The following ULK4 variants were observed in gnomAD, a reference collection of about 807,000 sequenced individuals.
ULK4 encodes the protein inactive serine/threonine-protein kinase ULK4.
In ULK4, 133 loss-of-function variants were observed where a neutral mutation model predicts 160.6. That is an observed-to-expected ratio of 0.83 (90% CI 0.72 to 0.96). The LOEUF is 0.96. Among genes scored for constraint, ULK4 ranks in the 40% least tolerant of loss-of-function variants. ULK4 has a pLI of 0.00. For synonymous variants in ULK4, 534 were observed against 539.8 expected, an observed-to-expected ratio of 0.99 and a Z score of 0.15; for missense variants, 1,580 against 1,499.5, an observed-to-expected ratio of 1.05 and a Z score of -0.89.
intron 35 of ULK4, among the ~76,000 whole-genome samples, chr3:41,318,438 T>C (rs2080187539): frequency 6.6e-6 from 1 of 152,218 alleles, no homozygotes; most frequent in Non-Finnish European, 1.5e-5. Flanking sequence ...CAGTTGTATC[T>C]AGTTTTGTGT....
chr3:41,253,336 A>G (rs553086261), intron 35 of ULK4, among the ~76,000 whole-genome samples: 11 of 152,100 alleles, frequency 7.2e-5, no homozygotes, highest in Non-Finnish European at 1.3e-4. Flanking sequence ...CAACATATGT[A>G]GATGTAACAT....
At chr3:41,785,591 AC>A (rs1176759965) in intron 21 of ULK4, among the ~76,000 whole-genome samples, 1 of 152,178 alleles carries the variant, frequency 6.6e-6, no homozygotes, top group African/African-American at 2.4e-5. Flanking sequence ...CCAAAAAACA[AC>A]ACGTAGAATT....
chr3:41,364,961 G>C (rs923329760), intron 35 of ULK4, among the ~76,000 whole-genome samples: 1 of 152,196 alleles, frequency 6.6e-6, no homozygotes, highest in Non-Finnish European at 1.5e-5. Flanking sequence ...TGCAGGCAAG[G>C]GGTGGGGCCT....
rs919769754 is a variant in ULK4 at position 41,414,181 on chromosome 3, A to G, written c.3493-15917T>C. On this transcript the variant is annotated intron_variant, in intron 34 of 36. Transcript: ENST00000301831. ...GTGCCATTGCACTCCAGCCTGGGCAACAAGAGCGAAATTCCATCTCAAAAA... is the reference window on the plus strand; with the variant it reads ...GTGCCATTGCACTCCAGCCTGGGCAGCAAGAGCGAAATTCCATCTCAAAAA... Among the ~76,000 whole-genome samples, 3 of 152,256 alleles carry G rather than the reference A, an allele frequency of 2.0e-5. 1 individual carries two copies. Among genetic ancestry groups the G allele is most frequent in the Admixed American group, 1.3e-4 (2 of 15,288 alleles).
At position 41,717,791 on chromosome 3, in the gene ULK4, A is replaced by G. The variant is rs1422662238; in HGVS notation, c.2392T>C (p.Tyr798His). ...PGKEQQSGNE[Y>H]LSKCLDLLIC... ...AGAAGATCCAGGCATTTGGACAGGT[A>G]TTCATTGCCACTTTGCTGCTCCTTG... is the stretch of plus-strand genomic sequence containing the variant. The change falls in exon 23 of 37, where the codon TAC becomes CAC. Residue 798 changes from tyrosine (Y) to histidine (H), a missense_variant. Physicochemically the swap from Tyr to His is moderately conservative, Grantham distance 83 (BLOSUM62 2). Coordinates refer to ENST00000301831, the MANE Select transcript of ULK4 (RefSeq NM_017886.4). The G allele has an allele frequency of 6.2e-7, 1 of 1,614,158 alleles. No homozygotes were observed. The highest frequency in any genetic ancestry group is 2.2e-5 in the East Asian group (1 of 44,872).
intron 13 of ULK4, 59 bp from the exon 14 acceptor site, chr3:41,898,551 C>T: frequency 9.8e-7 from 1 of 1,024,258 alleles, no homozygotes; most frequent in African/African-American, 1.6e-5. Context: ...TATCTGTCTC[C>T]TTATATGTCC....
At chr3:41,386,673 C>G (rs72866640) in intron 35 of ULK4, among the ~76,000 whole-genome samples, 1 of 152,112 alleles carries the variant, frequency 6.6e-6, no homozygotes, top group Non-Finnish European at 1.5e-5. Context: ...AATTAGTCAC[C>G]AGACCTGGTT....
chr3:41,797,648 T>C (rs2040341441), intron 20 of ULK4, among the ~76,000 whole-genome samples: 1 of 151,910 alleles, frequency 6.6e-6, no homozygotes, highest in Non-Finnish European at 1.5e-5. Flanking sequence ...TCACCTGAGG[T>C]CAGGAGTTCA....
chr3:41,757,412 C>A (rs1224457348), intron 21 of ULK4, among the ~76,000 whole-genome samples: 3 of 151,984 alleles, frequency 2.0e-5, no homozygotes, highest in African/African-American at 7.2e-5. Context: ...GCGGGCAGAA[C>A]ACGTGGTCAG....
intron 4 of ULK4, among the ~76,000 whole-genome samples, chr3:41,933,118 G>A (rs1699650927): frequency 6.6e-6 from 1 of 152,220 alleles, no homozygotes; most frequent in South Asian, 2.1e-4. Flanking sequence ...AAGGATGTCT[G>A]TTGGTCTACA....
At chr3:41,459,653 T>C (rs932433410) in intron 33 of ULK4, among the ~76,000 whole-genome samples, 12 of 152,204 alleles carry the variant, frequency 7.9e-5, no homozygotes, top group Non-Finnish European at 1.6e-4. Flanking sequence ...TAGGATAATG[T>C]CACAATTGAC....
intron 30 of ULK4, among the ~76,000 whole-genome samples, chr3:41,652,773 C>A (rs1471946723): frequency 2.0e-5 from 3 of 152,144 alleles, no homozygotes; most frequent in East Asian, 3.8e-4. Flanking sequence ...ATAAGTGTGA[C>A]ACAATGAAAC....
chr3:41,459,528 T>A (rs1178195270), intron 33 of ULK4, among the ~76,000 whole-genome samples: 1 of 152,220 alleles, frequency 6.6e-6, no homozygotes, highest in Non-Finnish European at 1.5e-5. Flanking sequence ...GTCCCCATTA[T>A]CTAGGATCTC....
chr3:41,744,181 T>C (rs2038340224), intron 22 of ULK4, among the ~76,000 whole-genome samples: 1 of 151,834 alleles, frequency 6.6e-6, no homozygotes, highest in Non-Finnish European at 1.5e-5. Context: ...AGGAATAAAA[T>C]GTCAGACTTA....
intron 32 of ULK4, among the ~76,000 whole-genome samples, chr3:41,467,398 C>T (rs994580152): frequency 1.1e-4 from 17 of 152,002 alleles, no homozygotes; most frequent in African/African-American, 4.1e-4. Context: ...CATGGTGGCA[C>T]ACACTATAAT....
intron 30 of ULK4, among the ~76,000 whole-genome samples, chr3:41,627,511 G>A (rs1185895037): frequency 1.3e-5 from 2 of 152,228 alleles, no homozygotes; most frequent in Non-Finnish European, 2.9e-5. Flanking sequence ...CATCTCCAAA[G>A]GGATTCTCCA....
At chr3:41,770,536 G>A (rs1241404584) in intron 21 of ULK4, among the ~76,000 whole-genome samples, 1 of 142,966 alleles carries the variant, frequency 7.0e-6, no homozygotes, top group Non-Finnish European at 1.5e-5. Flanking sequence ...TTGAGACAGA[G>A]TATTACTCTG....
chr3:41,745,394 A>G (rs2038386608), intron 22 of ULK4, among the ~76,000 whole-genome samples: 1 of 151,744 alleles, frequency 6.6e-6, no homozygotes, highest in South Asian at 2.1e-4. Flanking sequence ...TAATAACACA[A>G]TAATTTTTAA....
intron 32 of ULK4, among the ~76,000 whole-genome samples, chr3:41,511,774 C>T (rs1173191233): frequency 6.6e-6 from 1 of 152,072 alleles, no homozygotes; most frequent in South Asian, 2.1e-4. Flanking sequence ...GAAATCTCCC[C>T]TAAATCATTC....
Sources: allele counts gnomAD v4.1 joint callset (sites outside exome capture counted in the v4.1 genomes callset), GRCh38; gene constraint gnomAD v4.1.1; transcripts MANE v1.5; gene names NCBI Gene and HGNC (gene_info 2026-07-23, HGNC 2026-07-21).